The following ADCY2 variants were observed in gnomAD, a reference collection of about 807,000 sequenced individuals.
ADCY2 encodes the protein adenylate cyclase type 2.
A neutral mutation model predicts 125.2 loss-of-function variants in ADCY2; 31 were observed. That is an observed-to-expected ratio of 0.25 (90% confidence interval 0.19 to 0.33). The LOEUF is 0.33. ADCY2 is among the 10% of genes least tolerant of loss of function. The pLI is 1.00. For synonymous variants in ADCY2, 512 were observed against 548.4 expected (o/e 0.93, Z 0.93); for missense variants, 904 against 1,418.2 (o/e 0.64, Z 5.82).
chr5:7,541,574 G>A (rs1423230612), intron 3 of ADCY2, among the ~76,000 whole-genome samples: 1 of 152,200 alleles, frequency 6.6e-6, no homozygotes, highest in Non-Finnish European at 1.5e-5. Context: ...GGACCAGGTG[G>A]CCCACAATGG....
intron 2 of ADCY2, among the ~76,000 whole-genome samples, chr5:7,492,136 T>A (rs2126489884): frequency 6.6e-6 from 1 of 152,232 alleles, no homozygotes; most frequent in Non-Finnish European, 1.5e-5. Flanking sequence ...CTTGACCAGG[T>A]TGAAAGGGCA....
At chr5:7,591,865 G>A (rs1465353346) in intron 3 of ADCY2, among the ~76,000 whole-genome samples, 1 of 152,196 alleles carries the variant, frequency 6.6e-6, no homozygotes, top group Non-Finnish European at 1.5e-5. Context: ...CTGCTGGTGA[G>A]ACTGGGTTTC....
chr5:7,643,712 C>G (rs1260887991), intron 4 of ADCY2, among the ~76,000 whole-genome samples: 1 of 151,446 alleles, frequency 6.6e-6, no homozygotes, highest in Non-Finnish European at 1.5e-5. Context: ...AAATATAGTC[C>G]ATTTTTATTT....
intron 4 of ADCY2, among the ~76,000 whole-genome samples, chr5:7,646,444 A>C (rs369577473): frequency 3.9e-5 from 6 of 152,220 alleles, no homozygotes; most frequent in East Asian, 3.9e-4. Flanking sequence ...GGAGAAAATT[A>C]GATTTTTATA....
chr5:7,769,485 G>A (rs1743494527), intron 17 of ADCY2, among the ~76,000 whole-genome samples: 2 of 152,050 alleles, frequency 1.3e-5, no homozygotes, highest in South Asian at 4.2e-4. Flanking sequence ...AAAAAGGCTG[G>A]AAACACCTAT....
At chr5:7,459,772 A>ATTTTTTTTTTTTTTTTTTTTTTTTTT (rs3033085) in intron 2 of ADCY2, among the ~76,000 whole-genome samples, 1 of 72,818 alleles carries the variant, frequency 1.4e-5, no homozygotes, top group African/African-American at 6.1e-5. Flanking sequence ...TTAAGAGGTA[A>ATTTTTTTTTTTTTTTTTTTTTTTTTT]TTTTTTTTTT....
intron 4 of ADCY2, among the ~76,000 whole-genome samples, chr5:7,689,938 A>G (rs572371376): frequency 2.6e-5 from 4 of 152,298 alleles, no homozygotes; most frequent in South Asian, 4.1e-4. Context: ...TCCAAAAACT[A>G]TTGTGTATTT....
At chr5:7,787,791 A>C (rs1744126519) in intron 19 of ADCY2, among the ~76,000 whole-genome samples, 1 of 152,158 alleles carries the variant, frequency 6.6e-6, no homozygotes, top group Non-Finnish European at 1.5e-5. Context: ...TTTTTTTAGT[A>C]GGAGACTTAC....
chr5:7,794,967 C>G (rs1214499246), intron 20 of ADCY2: 1 of 152,074 alleles, frequency 6.6e-6, no homozygotes, highest in Non-Finnish European at 1.5e-5. Flanking sequence ...AAGCAGAAGC[C>G]CTACCCCTTA....
At chr5:7,558,289 G>T (rs1482844583) in intron 3 of ADCY2, among the ~76,000 whole-genome samples, 1 of 152,108 alleles carries the variant, frequency 6.6e-6, no homozygotes, top group Admixed American at 6.6e-5. Context: ...CAGGGATCAA[G>T]GAGTCCACCT....
intron 2 of ADCY2, among the ~76,000 whole-genome samples, chr5:7,415,392 G>A (rs775726965): frequency 4.6e-5 from 7 of 152,184 alleles, no homozygotes; most frequent in African/African-American, 1.2e-4. Flanking sequence ...CACTTGTTTC[G>A]GATAGCTGAG....
intron 3 of ADCY2, among the ~76,000 whole-genome samples, chr5:7,610,807 T>C (rs1197338294): frequency 6.6e-6 from 1 of 152,236 alleles, no homozygotes; most frequent in Non-Finnish European, 1.5e-5. Flanking sequence ...GGTTTTCTTA[T>C]GCATTGAAGT....
In ADCY2 at chr5:7,443,372, G is replaced by A. The variant is rs142809462; in HGVS notation, c.408+28602G>A. ...TTCTTGTTTTATTGTGGAATACAAG[G>A]CCGGGCGTGATGGCTCACACCTGTA... is the stretch of plus-strand genomic sequence containing the variant. On this transcript the variant is annotated intron_variant, in intron 2 of 24. Coordinates refer to ENST00000338316, the MANE Select transcript of ADCY2 (RefSeq NM_020546.3). Among the ~76,000 whole-genome samples, 5 of 151,996 alleles carry A rather than the reference G, an allele frequency of 3.3e-5. No individual in the cohort carries two copies. The East Asian group carries it at 9.7e-4, about 29-fold the overall frequency.
intron 15 of ADCY2, among the ~76,000 whole-genome samples, chr5:7,755,886 A>G (rs1323441571): frequency 6.6e-6 from 1 of 152,222 alleles, no homozygotes; most frequent in Non-Finnish European, 1.5e-5. Flanking sequence ...AGCGCAGCCT[A>G]TTTGTGCTGT....
intron 16 of ADCY2, among the ~76,000 whole-genome samples, chr5:7,764,632 A>C (rs1183477620): frequency 6.6e-6 from 1 of 152,382 alleles, no homozygotes; most frequent in East Asian, 1.9e-4. Flanking sequence ...TGCAGTGTTC[A>C]TTAGCATTTT....
At chr5:7,486,080 G>A (rs760952929) in intron 2 of ADCY2, among the ~76,000 whole-genome samples, 2 of 152,144 alleles carry the variant, frequency 1.3e-5, no homozygotes, top group Non-Finnish European at 2.9e-5. Context: ...TATTCATTAC[G>A]AACAAATAAG....
intron 3 of ADCY2, among the ~76,000 whole-genome samples, chr5:7,582,897 A>C (rs1385022759): frequency 6.6e-6 from 1 of 152,122 alleles, no homozygotes; most frequent in Non-Finnish European, 1.5e-5. Flanking sequence ...AAAACATAGA[A>C]AGGAACAAGT....
chr5:7,444,970 A>G (rs993461051), intron 2 of ADCY2, among the ~76,000 whole-genome samples: 1 of 152,166 alleles, frequency 6.6e-6, no homozygotes, highest in Non-Finnish European at 1.5e-5. Flanking sequence ...CAGTTTTAAG[A>G]GTTCTTTATT....
intron 3 of ADCY2, among the ~76,000 whole-genome samples, chr5:7,551,200 T>C: frequency 6.6e-6 from 1 of 152,154 alleles, no homozygotes; most frequent in Non-Finnish European, 1.5e-5. Flanking sequence ...CTTCCCTGCA[T>C]CAAATTTCAC....
Sources: gnomAD v4.1 joint callset for allele counts (sites outside exome capture counted in the v4.1 genomes callset) on GRCh38, gnomAD v4.1.1 for gene constraint, MANE v1.5 for transcripts, NCBI Gene and HGNC (gene_info 2026-07-23, HGNC 2026-07-21) for gene names.